PUM2: variants seen among roughly 807,000 people sequenced by gnomAD.
The protein encoded by PUM2 is pumilio RNA binding family member 2.
A neutral mutation model predicts 124.5 loss-of-function variants in PUM2; 57 were observed. The observed-to-expected ratio is 0.46, with a 90% CI of 0.37 to 0.57. The LOEUF (loss-of-function observed/expected upper bound fraction) is 0.57. Ranked by LOEUF, PUM2 falls within the 20% of genes least tolerant of loss-of-function variation. The pLI is 0.00. For synonymous variants in PUM2, 460 were observed against 446.1 expected, an observed-to-expected ratio of 1.03 and a Z score of -0.39; for missense variants, 1,065 against 1,290.6, an observed-to-expected ratio of 0.83 and a Z score of 2.68.
chr2:20,342,490 A>C (rs1376772968), intron 1 of PUM2, among the ~76,000 whole-genome samples: 1 of 152,210 alleles, frequency 6.6e-6, no homozygotes, highest in African/African-American at 2.4e-5. Context: ...CTTTTCTGTA[A>C]ATGTTAACAC....
intron 3 of PUM2, among the ~76,000 whole-genome samples, 179 bp downstream of exon 3, chr2:20,318,358 T>C (rs1681499378): frequency 6.6e-6 from 1 of 152,160 alleles, no homozygotes; most frequent in Non-Finnish European, 1.5e-5. Flanking sequence ...TCCCAGCACT[T>C]TGGGAGGCCA....
chr2:20,321,653 C>T (rs1682400269), intron 2 of PUM2, among the ~76,000 whole-genome samples: 1 of 152,060 alleles, frequency 6.6e-6, no homozygotes, highest in Non-Finnish European at 1.5e-5. Flanking sequence ...AAAGGTTAAA[C>T]AATGCATTGA....
At chr2:20,275,841 A>G (rs747725428) in intron 13 of PUM2, among the ~76,000 whole-genome samples, 1 of 152,118 alleles carries the variant, frequency 6.6e-6, no homozygotes, top group Non-Finnish European at 1.5e-5. Context: ...GGGAAAAAAA[A>G]GATGAAGGAA....
In PUM2 at chr2:20,251,726, A is replaced by C; in HGVS notation, c.3064-10T>G. The C allele has an allele frequency of 6.2e-7, 1 of 1,611,712 alleles. No individual in the cohort carries two copies. On this transcript the variant is annotated splice_polypyrimidine_tract_variant and intron_variant, in intron 20 of 20. Transcript: ENST00000361078. ...TAATGTGAGGTCGAATCTGAAAAAC[A>C]AATAATCTGCTTAGAAAATCTAAGT...
At chr2:20,309,239 T>C (rs553278936) in intron 5 of PUM2, among the ~76,000 whole-genome samples, 1 of 152,230 alleles carries the variant, frequency 6.6e-6, no homozygotes, top group African/African-American at 2.4e-5. Context: ...TTGAGGAGAC[T>C]TAAGAGATGA....
intron 10 of PUM2, among the ~76,000 whole-genome samples, chr2:20,288,406 T>C (rs72787415): frequency 0.29 from 43,629 of 152,160 alleles, 6,586 homozygotes; most frequent in Middle Eastern, 0.36. Flanking sequence ...TAAGTTATAT[T>C]AGAGATACTG....
chr2:20,339,343 G>C (rs1170309103), intron 1 of PUM2, among the ~76,000 whole-genome samples: 1 of 136,224 alleles, frequency 7.3e-6, no homozygotes, highest in African/African-American at 2.7e-5. Context: ...CCCATCTCAA[G>C]AGAAAAAAAA....
intron 2 of PUM2, 49 bp from the exon 3 acceptor site, chr2:20,318,694 T>G: frequency 7.5e-7 from 1 of 1,334,374 alleles, no homozygotes; most frequent in Non-Finnish European, 1.1e-6. Flanking sequence ...TTACAAAGAA[T>G]TAATATATAA....
intron 15 of PUM2, 94 bp from the exon 16 acceptor site, chr2:20,258,465 A>G (rs1427701727): frequency 1.5e-6 from 2 of 1,303,792 alleles, no homozygotes; most frequent in East Asian, 4.8e-5. Flanking sequence ...TCATTCTATC[A>G]GTAACTATGT....
chr2:20,308,412 C>T lies in PUM2; in HGVS notation c.691G>A (p.Gly231Ser), dbSNP rs1216117183. The T allele has an allele frequency of 2.5e-6, 4 of 1,614,018 alleles. No individual in the cohort carries two copies. In the South Asian group the frequency reaches 3.3e-5, roughly 13 times the overall value. The change falls in exon 6 of 21, where the codon GGT (glycine) becomes AGT (serine). Residue 231 changes from glycine (G) to serine (S), a missense_variant. This residue lies in a region of PUM2 where 968 missense variants were observed against 1,159.8 expected (regional missense o/e 0.83). Coordinates refer to ENST00000361078, the MANE Select transcript of PUM2 (RefSeq NM_015317.5). ...TAGTCAAACTGTAAGGATTCCAGACCAACTTGTTCCATGGCATCCAGATTC... is the reference window on the plus strand; with the variant it reads ...TAGTCAAACTGTAAGGATTCCAGACTAACTTGTTCCATGGCATCCAGATTC... ...TQNLDAMEQVGLESLQFDYPG... is the reference protein window; with the variant it reads ...TQNLDAMEQVSLESLQFDYPG...
chr2:20,329,026 C>T (rs1257926408), intron 1 of PUM2, among the ~76,000 whole-genome samples: 1 of 151,946 alleles, frequency 6.6e-6, no homozygotes, highest in African/African-American at 2.4e-5. Context: ...TAAAAATTAG[C>T]TTGGCACATT....
chr2:20,311,742 C>A, intron 4 of PUM2, 79 bp from the exon 5 acceptor site: 1 of 1,305,256 alleles, frequency 7.7e-7, no homozygotes, highest in Non-Finnish European at 1.1e-6. Context: ...CCTAACACTA[C>A]ACTACAGTGC....
chr2:20,254,011 A>G lies in PUM2; in HGVS notation c.2874T>C (p.Asn958=), dbSNP rs895291543. 4.3e-5 allele frequency: 68 copies of G among 1,598,310 alleles called. 1 individual carries two copies. The highest frequency in any genetic ancestry group is 1.7e-4 in the Middle Eastern group (1 of 5,980). The change falls in exon 20 of 21, where the codon AAT becomes AAC. Residue 958 remains asparagine, a synonymous_variant. Transcript: ENST00000361078. ...LALSQHKFAS[N]VVEKCVTHAS... ...CATGAGTAACACACTTTTCTACTAC[A>G]TTGCTAAAAATTAAAGCAGATAAAC...
intron 1 of PUM2, among the ~76,000 whole-genome samples, chr2:20,338,540 G>C (rs1329262227): frequency 1.3e-5 from 2 of 152,030 alleles, no homozygotes; most frequent in African/African-American, 4.8e-5. Flanking sequence ...AATTCCCACA[G>C]AATTTAATTG....
intron 13 of PUM2, among the ~76,000 whole-genome samples, chr2:20,275,310 T>C (rs961849886): frequency 1.3e-5 from 2 of 151,912 alleles, no homozygotes; most frequent in Non-Finnish European, 2.9e-5. Context: ...CATTTGTAGA[T>C]AACAATGAGG....
At chr2:20,318,070 T>C (rs1370764889) in intron 3 of PUM2, among the ~76,000 whole-genome samples, 2 of 152,246 alleles carry the variant, frequency 1.3e-5, no homozygotes, top group Non-Finnish European at 2.9e-5. Context: ...GATTGCTGGA[T>C]TGAATGGTAA....
intron 7 of PUM2, among the ~76,000 whole-genome samples, chr2:20,299,695 A>T (rs555355413): frequency 6.6e-6 from 1 of 152,260 alleles, no homozygotes; most frequent in South Asian, 2.1e-4. Flanking sequence ...ACATGGTTTT[A>T]GAGAGTTTTC....
intron 2 of PUM2, among the ~76,000 whole-genome samples, chr2:20,320,703 T>A (rs1452029010): frequency 6.6e-6 from 1 of 152,134 alleles, no homozygotes; most frequent in Non-Finnish European, 1.5e-5. Flanking sequence ...AAGATCCCAG[T>A]AAGTAAACTA....
intron 10 of PUM2, 75 bp from the exon 11 acceptor site, chr2:20,283,561 A>AT (rs2148904511): frequency 6.9e-7 from 1 of 1,446,496 alleles, no homozygotes; most frequent in East Asian, 2.3e-5. Context: ...CTGCATTTGT[A>AT]TTTTTTCAAC....
Sources: gnomAD v4.1 joint callset for allele counts (sites outside exome capture counted in the v4.1 genomes callset) on GRCh38, gnomAD v4.1.1 for gene constraint, gnomAD v4.1.1 regional missense constraint, MANE v1.5 for transcripts, NCBI Gene and HGNC (gene_info 2026-07-23, HGNC 2026-07-21) for gene names.